The following DDX1 variants were observed in gnomAD, a reference collection of about 807,000 sequenced individuals.
DDX1 encodes the protein DEAD-box helicase 1.
In DDX1, 28 loss-of-function variants were observed where a neutral mutation model predicts 108.7. The ratio of observed to expected loss-of-function variants is 0.26; its 90% CI spans 0.19 to 0.35. The LOEUF (loss-of-function observed/expected upper bound fraction) is 0.35. Among genes scored for constraint, DDX1 ranks in the 10% least tolerant of loss-of-function variants. DDX1 has a pLI of 1.00. For synonymous variants in DDX1, 295 were observed against 288.9 expected (o/e 1.02, Z -0.21); for missense variants, 710 against 884.5 (o/e 0.80, Z 2.50).
chr2:15,628,115 A>G (rs1372267755), intron 20 of DDX1, among the ~76,000 whole-genome samples: 1 of 152,184 alleles, frequency 6.6e-6, no homozygotes, highest in African/African-American at 2.4e-5. Context: ...TTATGTCTGT[A>G]CATTGTATTC....
intron 3 of DDX1, among the ~76,000 whole-genome samples, chr2:15,595,766 A>T (rs915211831): frequency 5.9e-5 from 9 of 152,244 alleles, no homozygotes; most frequent in African/African-American, 2.2e-4. Flanking sequence ...TGAATCTCGT[A>T]TCAGAGAGAA....
At chr2:15,619,716 C>A (rs1665961700) in intron 16 of DDX1, among the ~76,000 whole-genome samples, 1 of 152,160 alleles carries the variant, frequency 6.6e-6, no homozygotes, top group Non-Finnish European at 1.5e-5. Flanking sequence ...GAGGAAATTA[C>A]TTGGGTGTTG....
intron 14 of DDX1, among the ~76,000 whole-genome samples, chr2:15,615,552 C>CT (rs11403821): frequency 0.66 from 100,769 of 152,096 alleles, 34,405 homozygotes; most frequent in East Asian, 0.89. Context: ...GTTGAACTTG[C>CT]TGTAATTATC....
At chr2:15,628,236 T>A (rs1666131453) in intron 20 of DDX1, among the ~76,000 whole-genome samples, 1 of 152,198 alleles carries the variant, frequency 6.6e-6, no homozygotes, top group South Asian at 2.1e-4. Context: ...GAACCCAATC[T>A]CTGATTTAAT....
intron 13 of DDX1, among the ~76,000 whole-genome samples, chr2:15,612,348 C>G (rs1665787964): frequency 1.3e-5 from 2 of 150,488 alleles, no homozygotes; most frequent in Non-Finnish European, 1.5e-5. Context: ...GGCAGAGGCG[C>G]CCCCCACATC....
chr2:15,621,887 C>T (rs1195262387), intron 18 of DDX1, among the ~76,000 whole-genome samples: 1 of 152,196 alleles, frequency 6.6e-6, no homozygotes, highest in Non-Finnish European at 1.5e-5. Context: ...CTCCTGACCT[C>T]AAATGATCCA....
In DDX1 at chr2:15,606,276, G is replaced by T. The variant is rs776095439; in HGVS notation, c.817+12G>T. The T allele has an allele frequency of 1.8e-5, 29 of 1,570,072 alleles. No individual in the cohort carries two copies. The East Asian group carries it at 6.3e-4, about 34-fold the overall frequency. On this transcript the variant is annotated intron_variant, in intron 12 of 25. Transcript: ENST00000233084. ...ATCACAGCACTCAGGTATTATACCTGCAAGGGTAAGGATTTCTAGAATAGT... is the reference window on the plus strand; with the variant it reads ...ATCACAGCACTCAGGTATTATACCTTCAAGGGTAAGGATTTCTAGAATAGT...
At chr2:15,611,597 T>G (rs1407049431) in intron 13 of DDX1, among the ~76,000 whole-genome samples, 1 of 118,290 alleles carries the variant, frequency 8.5e-6, no homozygotes, top group Non-Finnish European at 1.7e-5. Flanking sequence ...ACGGGGCGGC[T>G]GGCCGGGCAG....
At chr2:15,613,828 T>G (rs1455059496) in intron 14 of DDX1, among the ~76,000 whole-genome samples, 2 of 143,118 alleles carry the variant, frequency 1.4e-5, no homozygotes, top group African/African-American at 5.3e-5. Context: ...AGAAGAAGTT[T>G]AGGAATTTTT....
chr2:15,606,200 A>G lies in DDX1; in HGVS notation c.753A>G (p.Pro251=), dbSNP rs1214768505. 1.2e-6 allele frequency: 2 copies of G among 1,614,058 alleles called. No homozygotes were observed. Among genetic ancestry groups the G allele is most frequent in the Non-Finnish European group, 1.7e-6 (2 of 1,180,012 alleles). Residue 251 remains proline, a synonymous_variant, in exon 12 of 26, where the codon CCA becomes CCG. Transcript: ENST00000233084. Reference sequence around the variant, plus strand: ...GTGAAGAGGAATTTAAGTTTCCACCAAAAGATGGCTTTGTTGCTCTTTCCA... The same window carrying G: ...GTGAAGAGGAATTTAAGTTTCCACCGAAAGATGGCTTTGTTGCTCTTTCCA... ...NFGEEEFKFP[P]KDGFVALSKA... is the part of the protein sequence containing the mutation.
At chr2:15,594,925 T>C (rs1665474750) in intron 1 of DDX1, among the ~76,000 whole-genome samples, 1 of 152,220 alleles carries the variant, frequency 6.6e-6, no homozygotes, top group Non-Finnish European at 1.5e-5. Context: ...AACAGATTTA[T>C]AGCTTTGCCT....
At chr2:15,629,176 G>T (rs1391854417) in intron 23 of DDX1, among the ~76,000 whole-genome samples, 3 of 152,098 alleles carry the variant, frequency 2.0e-5, no homozygotes, top group Non-Finnish European at 2.9e-5. Context: ...TAGAAAAGTT[G>T]TATTCATAAA....
chr2:15,611,886 C>A (rs1665771375), intron 13 of DDX1, among the ~76,000 whole-genome samples: 1 of 99,520 alleles, frequency 1.0e-5, no homozygotes, highest in East Asian at 3.9e-4. Flanking sequence ...CCCTCACCTC[C>A]CGGACGGGGC....
intron 14 of DDX1, among the ~76,000 whole-genome samples, chr2:15,616,020 GTA>G: frequency 6.6e-6 from 1 of 151,904 alleles, no homozygotes; most frequent in Admixed American, 6.6e-5. Context: ...AGCCTCCTGA[GTA>G]GCTGGGACTA....
At chr2:15,601,949 C>A (rs984601426) in intron 6 of DDX1, among the ~76,000 whole-genome samples, 1 of 152,176 alleles carries the variant, frequency 6.6e-6, no homozygotes, top group Admixed American at 6.5e-5. Context: ...GAATATACCT[C>A]ATCTTTTAGA....
At chr2:15,605,087 T>C (rs6708314) in intron 10 of DDX1, among the ~76,000 whole-genome samples, 35,957 of 152,048 alleles carry the variant, frequency 0.24, 5,287 homozygotes, top group African/African-American at 0.42. Flanking sequence ...ATATGGGCCA[T>C]GATCTAAACT....
intron 13 of DDX1, among the ~76,000 whole-genome samples, chr2:15,612,119 C>A (rs1183055563): frequency 1.4e-5 from 2 of 139,104 alleles, no homozygotes; most frequent in Non-Finnish European, 3.1e-5. Context: ...CCGGACGGGG[C>A]GGCTGGCCGG....
intron 9 of DDX1, 112 bp from the exon 10 acceptor site, chr2:15,604,325 C>A: frequency 1.4e-6 from 1 of 708,578 alleles, no homozygotes; most frequent in Admixed American, 2.3e-5. Context: ...CTCTAATAGG[C>A]ATTTTTGATT....
At chr2:15,623,036 ATAAT>A (rs1666036918) in intron 18 of DDX1, among the ~76,000 whole-genome samples, 1 of 152,166 alleles carries the variant, frequency 6.6e-6, no homozygotes, top group Non-Finnish European at 1.5e-5. Flanking sequence ...AGGAGTTAAA[ATAAT>A]TGTATAAAGC....
Sources: allele counts gnomAD v4.1 joint callset (sites outside exome capture counted in the v4.1 genomes callset), GRCh38; gene constraint gnomAD v4.1.1; transcripts MANE v1.5; gene names NCBI Gene and HGNC (gene_info 2026-07-23, HGNC 2026-07-21).